KDM6A: variants seen among roughly 807,000 people sequenced by gnomAD.
The protein encoded by KDM6A is lysine-specific demethylase 6A.
In KDM6A, 11 loss-of-function variants were observed where a neutral mutation model predicts 117.6. The observed-to-expected ratio is 0.09, with a 90% CI of 0.06 to 0.15. KDM6A has a LOEUF of 0.15. Among genes scored for constraint, KDM6A ranks in the 10% least tolerant of loss-of-function variants. The pLI, the probability that KDM6A is intolerant of heterozygous loss-of-function variation, is 1.00. For synonymous variants in KDM6A, 384 were observed against 396.1 expected (o/e 0.97, Z 0.36); for missense variants, 799 against 1,077.3 (o/e 0.74, Z 3.62).
chrX:45,110,389 A>G (rs912514617), intron 29 of KDM6A, 140 bp downstream of exon 29: 1 of 507,434 alleles, frequency 2.0e-6, no homozygotes, highest in African/African-American at 2.4e-5. Context: ...GGGTATATTC[A>G]TATCATTCCC....
chrX:44,947,721 G>A (rs2037735513), intron 2 of KDM6A, among the ~76,000 whole-genome samples: 2 of 111,667 alleles, frequency 1.8e-5, no homozygotes, highest in South Asian at 7.5e-4. Context: ...TGGATTGGCA[G>A]TTTTCTTTGT....
Position 45,090,861 on chromosome X carries a change from TTAAG to T in KDM6A, c.4034+3_4034+6del. The T allele has an allele frequency of 8.3e-7, 1 of 1,209,861 alleles. No homozygotes were observed. The highest frequency in any genetic ancestry group is 1.1e-6 in the Non-Finnish European group (1 of 893,901). ...TCAGATCCAAAGCTTTTTGAAATGA[TTAAG>T]TAAGTCTTTTCTAAAACTGCTGTAG... On this transcript the variant is annotated splice_donor_variant and coding_sequence_variant, in exon 27 of 30. Transcript: ENST00000611820. LOFTEE classifies it high-confidence loss of function.
At chrX:44,965,119 T>C (rs998831063) in intron 3 of KDM6A, among the ~76,000 whole-genome samples, 5 of 112,377 alleles carry the variant, frequency 4.4e-5, no homozygotes, top group African/African-American at 1.6e-4. Flanking sequence ...ACTTTTCTTC[T>C]GCAGCTTCTT....
At chrX:45,023,699 A>G (rs191287217) in intron 6 of KDM6A, among the ~76,000 whole-genome samples, 1 of 111,253 alleles carries the variant, frequency 9.0e-6, no homozygotes, top group Admixed American at 9.6e-5. Context: ...GTTGCATGGA[A>G]AAGTTCTTTA....
intron 2 of KDM6A, among the ~76,000 whole-genome samples, chrX:44,907,606 T>C (rs1167804289): frequency 8.4e-5 from 9 of 107,707 alleles, no homozygotes; most frequent in Non-Finnish European, 1.7e-4. Flanking sequence ...TCTCAGCTTC[T>C]AGAGTAGCAT....
intron 5 of KDM6A, among the ~76,000 whole-genome samples, chrX:45,011,781 T>TTTA (rs1556119244): frequency 1.2e-4 from 13 of 109,362 alleles, no homozygotes; most frequent in African/African-American, 3.0e-4. Context: ...TATTTATTTA[T>TTTA]TTTATTTATT....
At chrX:44,876,414 C>T (rs1051926019) in intron 2 of KDM6A, among the ~76,000 whole-genome samples, 1 of 111,161 alleles carries the variant, frequency 9.0e-6, no homozygotes, top group Admixed American at 9.7e-5. Flanking sequence ...TTTAACAGTC[C>T]TCGAAGCAGT....
chrX:44,884,589 G>T lies in KDM6A; in HGVS notation c.225+10602G>T, dbSNP rs148023100. ...TGTAAAGTGTGTGGCATTGGGCTTG[G>T]TGCATGAAAGGTGCTCAGTATAAGA... is the stretch of plus-strand genomic sequence containing the variant. On this transcript the variant is annotated intron_variant, in intron 2 of 29. Transcript: ENST00000611820. Among the ~76,000 whole-genome samples, 152 of 111,945 alleles carry T rather than the reference G, an allele frequency of 1.4e-3. 1 individual carries two copies. The East Asian group carries it at 0.034, about 25-fold the overall frequency.
At chrX:45,107,116 A>G (rs1450707082) in intron 27 of KDM6A, 6 of 222,851 alleles carry the variant, frequency 2.7e-5, no homozygotes, top group African/African-American at 8.9e-5. Context: ...AAGAGCCAAA[A>G]TTAGCAACTC....
At chrX:45,076,087 T>C (rs985145764) in intron 18 of KDM6A, among the ~76,000 whole-genome samples, 1 of 111,458 alleles carries the variant, frequency 9.0e-6, no homozygotes, top group Non-Finnish European at 1.9e-5. Flanking sequence ...TTCATCAACC[T>C]AAATACCAGT....
chrX:45,047,681 T>C lies in KDM6A; in HGVS notation c.655-4028T>C, dbSNP rs868100770. On this transcript the variant is annotated intron_variant, in intron 8 of 29. Coordinates refer to ENST00000611820, the MANE Select transcript of KDM6A (RefSeq NM_001291415.2). The stretch of plus-strand genomic sequence containing the variant: ...TCTGCTTGCTTTTTTTTTCTTTTTT[T>C]TTTTTTTTTTTTTTTTTTTTTTGAC... Among the ~76,000 whole-genome samples, 157 of 56,590 alleles carry C rather than the reference T, an allele frequency of 2.8e-3. 4 individuals carry two copies. Among genetic ancestry groups the C allele is most frequent in the African/African-American group, 0.013 (137 of 10,488 alleles). The allele number at this position is 56,590 out of a possible 115,157, so 49.1% of individuals were successfully genotyped here.
rs374749036 is a variant in KDM6A, at chrX:45,090,901, T to C, written c.4034+37T>C. On this transcript the variant is annotated intron_variant, in intron 27 of 29. Transcript: ENST00000611820. ...CTAAAACTGCTGTAGTCCCTCTCTTTTTGGGGAGTGTTAACTATTAAGTTT... is the reference window on the plus strand; with the variant it reads ...CTAAAACTGCTGTAGTCCCTCTCTTCTTGGGGAGTGTTAACTATTAAGTTT... 4.2e-6 allele frequency: 5 copies of C among 1,189,260 alleles called. No individual in the cohort carries two copies. In the African/African-American group the frequency reaches 8.8e-5, roughly 21 times the overall value.
chrX:45,109,314 A>G (rs1472324694), intron 28 of KDM6A, among the ~76,000 whole-genome samples: 1 of 111,269 alleles, frequency 9.0e-6, no homozygotes, highest in Non-Finnish European at 1.9e-5. Flanking sequence ...TGGAAGGACA[A>G]GTTGAAGAAT....
chrX:45,094,562 C>T (rs925917652), intron 27 of KDM6A, among the ~76,000 whole-genome samples: 9 of 111,904 alleles, frequency 8.0e-5, no homozygotes, highest in Admixed American at 7.6e-4. Flanking sequence ...TTCACTTGAG[C>T]ACCAGGCAAA....
chrX:44,921,251 G>A (rs2035916912), intron 2 of KDM6A, among the ~76,000 whole-genome samples: 1 of 111,714 alleles, frequency 9.0e-6, no homozygotes, highest in Non-Finnish European at 1.9e-5. Flanking sequence ...AGAAATGGAC[G>A]GGGAGGTCTT....
chrX:45,020,841 T>G, intron 6 of KDM6A, 111 bp downstream of exon 6: 3 of 897,130 alleles, frequency 3.3e-6, no homozygotes, highest in Non-Finnish European at 4.8e-6. Flanking sequence ...ATTGGCACTT[T>G]AAAAGAAAAT....
intron 2 of KDM6A, among the ~76,000 whole-genome samples, chrX:44,954,876 C>T (rs958601808): frequency 2.7e-5 from 3 of 110,586 alleles, no homozygotes; most frequent in Admixed American, 2.0e-4. Flanking sequence ...GTAGTACGGG[C>T]ATTCATTGGA....
chrX:44,882,545 T>G (rs2032406089), intron 2 of KDM6A, among the ~76,000 whole-genome samples: 1 of 112,515 alleles, frequency 8.9e-6, no homozygotes, highest in Non-Finnish European at 1.9e-5. Flanking sequence ...GTTTGTATTT[T>G]GATACTGCTA....
chrX:44,889,108 C>T (rs1037173778), intron 2 of KDM6A, among the ~76,000 whole-genome samples: 12 of 111,867 alleles, frequency 1.1e-4, no homozygotes, highest in Admixed American at 5.7e-4. Flanking sequence ...CTCTGCCTCC[C>T]GGATTCAAGC....
Sources: gnomAD v4.1 joint callset for allele counts (sites outside exome capture counted in the v4.1 genomes callset) on GRCh38, gnomAD v4.1.1 for gene constraint, MANE v1.5 for transcripts, NCBI Gene and HGNC (gene_info 2026-07-23, HGNC 2026-07-21) for gene names.